The following PDE6A variants were observed in gnomAD, a reference collection of about 807,000 sequenced individuals.
PDE6A encodes rod cGMP-specific 3',5'-cyclic phosphodiesterase subunit alpha.
A neutral mutation model predicts 106.3 loss-of-function variants in PDE6A; 84 were observed. That is an observed-to-expected ratio of 0.79 (90% CI 0.66 to 0.95). PDE6A has a LOEUF of 0.95. PDE6A is among the 40% of genes least tolerant of loss of function. The pLI, the probability that PDE6A is intolerant of heterozygous loss-of-function variation, is 0.00. For missense variants in PDE6A, 1,052 were observed against 1,084.9 expected (o/e 0.97, Z 0.43); for synonymous variants, 394 against 386.6 (o/e 1.02, Z -0.23).
chr5:149,943,752 C>T (rs1754381381), intron 1 of PDE6A, among the ~76,000 whole-genome samples: 1 of 150,786 alleles, frequency 6.6e-6, no homozygotes. Flanking sequence ...TGTGGAAGTA[C>T]TGTGGAGGTA....
intron 13 of PDE6A, 108 bp from the exon 14 acceptor site, chr5:149,886,482 C>A: frequency 1.3e-6 from 1 of 782,016 alleles, no homozygotes; most frequent in South Asian, 1.5e-5. Context: ...ACTCATGGGT[C>A]TGATCTTGGC....
intron 8 of PDE6A, among the ~76,000 whole-genome samples, chr5:149,899,963 A>G (rs1300393279): frequency 1.3e-5 from 2 of 152,110 alleles, no homozygotes; most frequent in Non-Finnish European, 2.9e-5. Flanking sequence ...TACTTTTAGT[A>G]CTTCATTTTC....
intron 15 of PDE6A, 74 bp downstream of exon 15, chr5:149,884,706 A>T: frequency 6.7e-7 from 1 of 1,486,886 alleles, no homozygotes; most frequent in Non-Finnish European, 9.4e-7. Flanking sequence ...CTCCCTGGGC[A>T]CACTCAGGCT....
chr5:149,933,415 A>T (rs1754099743), intron 3 of PDE6A, among the ~76,000 whole-genome samples: 1 of 152,230 alleles, frequency 6.6e-6, no homozygotes, highest in Admixed American at 6.5e-5. Flanking sequence ...GTGAGCCACC[A>T]TGCCCAGTCC....
At chr5:149,912,159 T>C (rs1753408442) in intron 6 of PDE6A, among the ~76,000 whole-genome samples, 1 of 152,092 alleles carries the variant, frequency 6.6e-6, no homozygotes, top group South Asian at 2.1e-4. Flanking sequence ...CAGGCTGGAG[T>C]ACAGTGGCTA....
chr5:149,912,977 G>A (rs1457239657), intron 6 of PDE6A, among the ~76,000 whole-genome samples: 1 of 152,100 alleles, frequency 6.6e-6, no homozygotes, highest in Admixed American at 6.6e-5. Context: ...CAGATAATGA[G>A]TTAATAAGAT....
At chr5:149,864,289 A>T (rs1043182640) in intron 20 of PDE6A, among the ~76,000 whole-genome samples, 1 of 151,890 alleles carries the variant, frequency 6.6e-6, no homozygotes, top group African/African-American at 2.4e-5. Flanking sequence ...ACCAGGCTAG[A>T]GTGCAGTGGT....
intron 16 of PDE6A, among the ~76,000 whole-genome samples, chr5:149,884,188 GAAAA>G (rs55911717): frequency 3.3e-4 from 24 of 72,612 alleles, no homozygotes; most frequent in African/African-American, 7.1e-4. Flanking sequence ...TCTCAAAAAA[GAAAA>G]AAAAAAAATA....
chr5:149,938,040 G>A (rs1352557788), intron 1 of PDE6A, among the ~76,000 whole-genome samples: 1 of 152,150 alleles, frequency 6.6e-6, no homozygotes, highest in East Asian at 1.9e-4. Context: ...GCAAAGACCT[G>A]TAAGATGAGG....
At chr5:149,907,455 G>T in intron 6 of PDE6A, 77 bp from the exon 7 acceptor site, 1 of 1,137,612 alleles carries the variant, frequency 8.8e-7, no homozygotes, top group Non-Finnish European at 1.3e-6. Context: ...GGGTGTTTGC[G>T]CTCCCCCTGC....
chr5:149,913,718 G>A (rs1183614958), intron 6 of PDE6A, among the ~76,000 whole-genome samples: 1 of 152,210 alleles, frequency 6.6e-6, no homozygotes, highest in Admixed American at 6.5e-5. Flanking sequence ...CTGCAGTTAA[G>A]TTGAGAAAAA....
At chr5:149,932,215 A>C in intron 3 of PDE6A, 1 of 1,320,776 alleles carries the variant, frequency 7.6e-7, no homozygotes, top group Non-Finnish European at 1.1e-6. Flanking sequence ...TCTGTATTTG[A>C]AATGCCATAA....
intron 5 of PDE6A, among the ~76,000 whole-genome samples, 160 bp from the exon 6 acceptor site, chr5:149,915,167 TG>T (rs1753513507): frequency 6.6e-6 from 1 of 150,452 alleles, no homozygotes; most frequent in East Asian, 2.0e-4. Flanking sequence ...CCCGAGTAAA[TG>T]GGACTACAGG....
intron 21 of PDE6A, among the ~76,000 whole-genome samples, chr5:149,862,088 G>A (rs1382747747): frequency 2.6e-5 from 4 of 152,168 alleles, no homozygotes; most frequent in Non-Finnish European, 5.9e-5. Context: ...TTTTCCATGT[G>A]TAAGAGCCAT....
intron 18 of PDE6A, 79 bp downstream of exon 18, chr5:149,868,016 G>T: frequency 1.4e-6 from 2 of 1,404,210 alleles, no homozygotes; most frequent in Non-Finnish European, 2.0e-6. Context: ...CTGGAGCTGG[G>T]CTGAGAGAGT....
At chr5:149,878,434 A>G (rs1760817960) in intron 17 of PDE6A, among the ~76,000 whole-genome samples, 1 of 151,990 alleles carries the variant, frequency 6.6e-6, no homozygotes, top group Non-Finnish European at 1.5e-5. Flanking sequence ...AGGTATTTCG[A>G]TTGTTTTCAA....
chr5:149,860,900 G>A lies in PDE6A; in HGVS notation c.2578C>T (p.Gln860Ter), dbSNP rs1357199744. ...CCAGCACATCCCCAGTGGTGTTACT[G>A]GATGCAGCAGGACTTGGATGTAGTT... ...GATTSKSCCIQ is the reference protein window; with the variant it reads ...GATTSKSCCI Residue 860 changes from glutamine (Q) to a stop codon, truncating the protein, a stop_gained, in exon 22 of 22, where the codon CAG becomes TAG. Transcript: ENST00000255266. LOFTEE classifies it high-confidence loss of function. 4 of 1,613,868 alleles carry A rather than the reference G, an allele frequency of 2.5e-6. No individual in the cohort carries two copies. The Admixed American group carries it at 6.7e-5, about 27-fold the overall frequency.
chr5:149,871,707 C>T (rs186133961), intron 17 of PDE6A, among the ~76,000 whole-genome samples: 5 of 152,170 alleles, frequency 3.3e-5, no homozygotes, highest in East Asian at 3.9e-4. Flanking sequence ...TTTCATGCTA[C>T]GAGCAACAGG....
chr5:149,892,935 T>C (rs1362813036), intron 13 of PDE6A, among the ~76,000 whole-genome samples: 1 of 152,184 alleles, frequency 6.6e-6, no homozygotes, highest in Non-Finnish European at 1.5e-5. Flanking sequence ...TTGATGGCAA[T>C]CAGATCCACT....
Sources: allele counts gnomAD v4.1 joint callset (sites outside exome capture counted in the v4.1 genomes callset), GRCh38; gene constraint gnomAD v4.1.1; transcripts MANE v1.5; gene names NCBI Gene and HGNC (gene_info 2026-07-23, HGNC 2026-07-21).